CELA1: variants seen among roughly 807,000 people sequenced by gnomAD.
The protein encoded by CELA1 is chymotrypsin-like elastase family member 1.
CELA1 carries 28 observed loss-of-function variants against 34.8 expected under a neutral mutation model. That is an observed-to-expected ratio of 0.80 (90% confidence interval 0.60 to 1.10). The LOEUF (loss-of-function observed/expected upper bound fraction) is 1.10. Ranked by LOEUF, CELA1 falls within the 50% of genes least tolerant of loss-of-function variation. The pLI, the probability that CELA1 is intolerant of heterozygous loss-of-function variation, is 0.00. For missense variants in CELA1, 288 were observed against 327.5 expected (o/e 0.88, Z 0.93); for synonymous variants, 140 against 129.8 (o/e 1.08, Z -0.53).
At chr12:51,339,067 T>A (rs1946517359) in intron 6 of CELA1, among the ~76,000 whole-genome samples, 1 of 152,184 alleles carries the variant, frequency 6.6e-6, no homozygotes, top group Non-Finnish European at 1.5e-5. Flanking sequence ...TATTATAAAA[T>A]TATTTTGTGC....
intron 4 of CELA1, 78 bp from the exon 5 acceptor site, chr12:51,341,458 G>A: frequency 1.3e-6 from 2 of 1,501,974 alleles, no homozygotes; most frequent in African/African-American, 1.4e-5. Context: ...CCCTCTCTAA[G>A]CATTTGTATC....
chr12:51,331,059 C>T (rs1946466631), intron 6 of CELA1, among the ~76,000 whole-genome samples: 1 of 150,548 alleles, frequency 6.6e-6, no homozygotes. Flanking sequence ...TGAAGGCAAC[C>T]AAGACTATGC....
At chr12:51,346,487 C>G (rs1409771105) in intron 1 of CELA1, 136 bp downstream of exon 1, 7 of 789,226 alleles carry the variant, frequency 8.9e-6, no homozygotes, top group Non-Finnish European at 4.3e-6. Context: ...CCCACCTGCC[C>G]TGGGACAGGG....
intron 6 of CELA1, among the ~76,000 whole-genome samples, chr12:51,334,398 T>C (rs1002593833): frequency 1.3e-5 from 2 of 152,220 alleles, no homozygotes; most frequent in African/African-American, 4.8e-5. Flanking sequence ...TTTATTTCCA[T>C]GGTTCTTTGT....
At chr12:51,338,055 A>G (rs1343166196) in intron 6 of CELA1, among the ~76,000 whole-genome samples, 1 of 151,398 alleles carries the variant, frequency 6.6e-6, no homozygotes, top group Non-Finnish European at 1.5e-5. Context: ...CCTTGCAAAC[A>G]TGGTGAAATC....
Position 51,329,781 on chromosome 12 carries a change from T to G in CELA1, c.662A>C (p.His221Pro). ...HCLVNGKYSV[H>P]GVTSFVSSRG... ...GCTGGACACAAAGCTGGTCACTCCATGGACAGAATACTTGCCATTCACCAA... is the reference window on the plus strand; with the variant it reads ...GCTGGACACAAAGCTGGTCACTCCAGGGACAGAATACTTGCCATTCACCAA... Residue 221 changes from histidine (H) to proline (P), a missense_variant, in exon 7 of 8, where the codon CAT (histidine) becomes CCT (proline). By Grantham distance (77) the His-to-Pro change is moderately conservative. Coordinates refer to ENST00000293636, the MANE Select transcript of CELA1 (RefSeq NM_001971.6). 1 of 1,613,634 alleles carries G rather than the reference T, an allele frequency of 6.2e-7. No homozygotes were observed. Among genetic ancestry groups the G allele is most frequent in the Non-Finnish European group, 8.5e-7 (1 of 1,179,876 alleles).
At chr12:51,345,483 G>A (rs1946560533) in intron 2 of CELA1, among the ~76,000 whole-genome samples, 1 of 152,202 alleles carries the variant, frequency 6.6e-6, no homozygotes, top group South Asian at 2.1e-4. Context: ...CAAGGTATGT[G>A]GAGTCCAAGG....
chr12:51,346,196 C>T (rs1946564024), intron 1 of CELA1, among the ~76,000 whole-genome samples: 1 of 146,654 alleles, frequency 6.8e-6, no homozygotes, highest in South Asian at 2.2e-4. Flanking sequence ...CTGAAGAGAC[C>T]CCCCCCCACT....
At chr12:51,328,716 G>T in intron 7 of CELA1, 122 bp from the exon 8 acceptor site, 2 of 1,057,160 alleles carry the variant, frequency 1.9e-6, no homozygotes, top group Non-Finnish European at 1.5e-6. Flanking sequence ...CAGGGTGTGG[G>T]GACAGGGAGG....
At chr12:51,343,917 G>A (rs1009983225) in intron 2 of CELA1, 64 bp from the exon 3 acceptor site, 27 of 847,780 alleles carry the variant, frequency 3.2e-5, no homozygotes, top group Non-Finnish European at 4.7e-5. Flanking sequence ...GCCCCAGGTC[G>A]GTTGCAGTGG....
chr12:51,338,634 C>T (rs1946514770), intron 6 of CELA1, among the ~76,000 whole-genome samples: 1 of 152,170 alleles, frequency 6.6e-6, no homozygotes, highest in African/African-American at 2.4e-5. Flanking sequence ...TACCCTTGGG[C>T]TTCCATATCA....
In CELA1 at chr12:51,339,650, G is replaced by A. The variant is rs17860320; in HGVS notation, c.609+210C>T. ...GTACAAACTTTGAAGTGAGGGCATC[G>A]AGCAAGATCAATTTTAAGGTTCCTT... On this transcript the variant is annotated intron_variant, in intron 6 of 7. Transcript: ENST00000293636. Among the ~76,000 whole-genome samples the A allele has an allele frequency of 8.3e-3, 1,263 of 152,322 alleles. 52 individuals are homozygous for A. The East Asian group carries it at 0.14, about 16-fold the overall frequency.
chr12:51,340,376 ATTTC>A (rs1363412993), intron 5 of CELA1, among the ~76,000 whole-genome samples: 1 of 136,196 alleles, frequency 7.3e-6, no homozygotes, highest in Non-Finnish European at 1.6e-5. Flanking sequence ...GCTTGTTTCC[ATTTC>A]TTTCTTTCTT....
chr12:51,335,011 T>G lies in CELA1; in HGVS notation c.609+4849A>C, dbSNP rs1298293047. Reference sequence around the variant, plus strand: ...CTTCATTTTCAGCAGTCAAGTTGACTCCTCCTAGTTCATGAGTAACTAGAA... The same window carrying G: ...CTTCATTTTCAGCAGTCAAGTTGACGCCTCCTAGTTCATGAGTAACTAGAA... On this transcript the variant is annotated intron_variant, in intron 6 of 7. Coordinates refer to ENST00000293636, the MANE Select transcript of CELA1 (RefSeq NM_001971.6). Among the ~76,000 whole-genome samples the G allele has an allele frequency of 2.6e-5, 4 of 152,154 alleles. No homozygotes were observed. In the East Asian group the frequency reaches 7.7e-4, roughly 29 times the overall value.
At chr12:51,344,594 G>C (rs113430189) in intron 2 of CELA1, among the ~76,000 whole-genome samples, 2 of 151,462 alleles carry the variant, frequency 1.3e-5, no homozygotes, top group East Asian at 2.0e-4. Context: ...AGGAGGCTGA[G>C]GCAGGAGAAT....
intron 6 of CELA1, among the ~76,000 whole-genome samples, chr12:51,333,394 G>GT (rs1327567296): frequency 2.5e-3 from 269 of 107,002 alleles, no homozygotes; most frequent in Middle Eastern, 7.5e-3. Context: ...GAGCCCGACT[G>GT]TTTTTTTTTT....
intron 1 of CELA1, among the ~76,000 whole-genome samples, chr12:51,346,161 T>G (rs981908605): frequency 2.6e-5 from 4 of 151,788 alleles, no homozygotes; most frequent in Non-Finnish European, 5.9e-5. Context: ...TGTGGTCTCC[T>G]CTTTGCTCAA....
chr12:51,339,905 G>A lies in CELA1; in HGVS notation c.564C>T (p.Asn188=). 6.2e-7 allele frequency: 1 copy of A among 1,614,192 alleles called. No homozygotes were observed. The highest frequency in any genetic ancestry group is 8.5e-7 in the Non-Finnish European group (1 of 1,180,036). The part of the protein sequence containing the change: ...SSSYWGSTVK[N]TMVCAGGDGV... ...CATCTCCACCAGCACACACCATGGT[G>A]TTCTTCACAGTGGAGCCCCAGTAGG... is the stretch of plus-strand genomic sequence containing the variant. The change falls in exon 6 of 8, where the codon AAC becomes AAT. Residue 188 remains asparagine, a synonymous_variant. Transcript: ENST00000293636.
chr12:51,346,442 C>T (rs1389601285), intron 1 of CELA1, among the ~76,000 whole-genome samples, 181 bp downstream of exon 1: 1 of 152,042 alleles, frequency 6.6e-6, no homozygotes, highest in African/African-American at 2.4e-5. Flanking sequence ...ATCTTGGCCT[C>T]CAGGAGAGTA....
Sources: allele counts gnomAD v4.1 joint callset (sites outside exome capture counted in the v4.1 genomes callset), GRCh38; gene constraint gnomAD v4.1.1; transcripts MANE v1.5; gene names NCBI Gene and HGNC (gene_info 2026-07-23, HGNC 2026-07-21).